SHANK2: variants seen among roughly 807,000 people sequenced by gnomAD.
The protein encoded by SHANK2 is SH3 and multiple ankyrin repeat domains 2.
SHANK2 carries 43 observed loss-of-function variants against 133.7 expected under a neutral mutation model. The ratio of observed to expected loss-of-function variants is 0.32; its 90% confidence interval spans 0.25 to 0.41. The LOEUF (loss-of-function observed/expected upper bound fraction) is 0.41. Among genes scored for constraint, SHANK2 ranks in the 10% least tolerant of loss-of-function variants. The pLI, the probability that SHANK2 is intolerant of heterozygous loss-of-function variation, is 1.00. For missense variants in SHANK2, 1,994 were observed against 2,235.8 expected (o/e 0.89, Z 2.18); for synonymous variants, 1,017 against 952.8 (o/e 1.07, Z -1.24).
At chr11:71,230,206 C>A (rs1555122785) in intron 1 of SHANK2, among the ~76,000 whole-genome samples, 1 of 152,084 alleles carries the variant, frequency 6.6e-6, no homozygotes, top group Admixed American at 6.5e-5. Context: ...AGGAGAATCA[C>A]TTGAACCTGG....
chr11:71,102,262 T>A (rs1434693670), intron 6 of SHANK2, among the ~76,000 whole-genome samples: 1 of 151,958 alleles, frequency 6.6e-6, no homozygotes, highest in African/African-American at 2.4e-5. Flanking sequence ...AGTCTTTATT[T>A]TTTTTTTTTA....
chr11:71,200,851 C>CACAT lies in SHANK2; in HGVS notation c.-13+23845_-13+23846insATGT, dbSNP rs1954005298. ...ATTAATACACACACACACACACACA[C>CACAT]ACACACACACACACTTCAGATCTTT... On this transcript the variant is annotated intron_variant, in intron 2 of 25. Transcript: ENST00000601538. Among the ~76,000 whole-genome samples the CACAT allele has an allele frequency of 3.3e-5, 5 of 151,962 alleles. No individual in the cohort carries two copies. In the East Asian group the frequency reaches 5.8e-4, roughly 18 times the overall value.
At chr11:71,189,304 C>T (rs1041995550) in intron 2 of SHANK2, among the ~76,000 whole-genome samples, 12 of 152,354 alleles carry the variant, frequency 7.9e-5, no homozygotes, top group African/African-American at 2.6e-4. Context: ...GCTGGTGCCT[C>T]GCTGGTGACC....
chr11:70,788,008 C>T (rs1251989969), intron 14 of SHANK2, among the ~76,000 whole-genome samples: 2 of 152,130 alleles, frequency 1.3e-5, no homozygotes, highest in African/African-American at 4.8e-5. Flanking sequence ...ACCACAGGGA[C>T]AAGGTTTGGA....
At chr11:70,678,538 T>C (rs1027348874) in intron 15 of SHANK2, among the ~76,000 whole-genome samples, 1 of 138,990 alleles carries the variant, frequency 7.2e-6, no homozygotes, top group Non-Finnish European at 1.6e-5. Flanking sequence ...CAGGCTTTTT[T>C]TTTTTTTTTT....
chr11:70,540,433 G>C (rs10899149), intron 17 of SHANK2, among the ~76,000 whole-genome samples: 72,108 of 151,508 alleles, frequency 0.48, 18,914 homozygotes, highest in Non-Finnish European at 0.6. Flanking sequence ...CTCTCCTGCG[G>C]AGTCGGAGTG....
intron 11 of SHANK2, among the ~76,000 whole-genome samples, chr11:70,877,577 G>A (rs1371896553): frequency 6.6e-6 from 1 of 152,120 alleles, no homozygotes; most frequent in Non-Finnish European, 1.5e-5. Context: ...ACCAGCTCTG[G>A]TTGTACACAT....
At chr11:70,677,223 A>G (rs1944919358) in intron 15 of SHANK2, among the ~76,000 whole-genome samples, 1 of 152,192 alleles carries the variant, frequency 6.6e-6, no homozygotes, top group Non-Finnish European at 1.5e-5. Context: ...TGCCTCTGCT[A>G]ATGGGTCCCT....
chr11:70,764,098 C>T (rs888003554), intron 14 of SHANK2, among the ~76,000 whole-genome samples: 40 of 118,174 alleles, frequency 3.4e-4, no homozygotes, highest in Non-Finnish European at 7.1e-4. Flanking sequence ...ATCCATCCAT[C>T]CACCCACCCA....
At chr11:70,484,475 G>A (rs1365948778) in intron 25 of SHANK2, among the ~76,000 whole-genome samples, 2 of 152,158 alleles carry the variant, frequency 1.3e-5, no homozygotes, top group Non-Finnish European at 2.9e-5. Context: ...CCAAGCAGAA[G>A]CCAACATCAT....
intron 15 of SHANK2, chr11:70,669,736 G>A (rs1944758777): frequency 6.6e-6 from 1 of 152,390 alleles, no homozygotes. Context: ...TATTTAACAC[G>A]GGGTCAACGT....
chr11:71,085,773 T>G (rs1417689034), intron 8 of SHANK2, among the ~76,000 whole-genome samples: 1 of 76,812 alleles, frequency 1.3e-5, no homozygotes, highest in Non-Finnish European at 2.2e-5. Flanking sequence ...ATATATATTA[T>G]ATTTATATTA....
At chr11:71,252,924 G>GT (rs1415171116), upstream of SHANK2, among the ~76,000 whole-genome samples, 1 of 152,254 alleles carries the variant, frequency 6.6e-6, no homozygotes, top group Non-Finnish European at 1.5e-5. This position sits in a 1 kb window ranked among gnomAD's most constrained non-coding sequence, Gnocchi z 6.3. Context: ...GGTCTGCACG[G>GT]TTATCCCGAA....
chr11:71,164,301 C>T (rs1366658504), intron 2 of SHANK2, among the ~76,000 whole-genome samples: 5 of 152,206 alleles, frequency 3.3e-5, no homozygotes, highest in Non-Finnish European at 7.3e-5. Context: ...AATATCACAG[C>T]ACATTGCATC....
intron 2 of SHANK2, among the ~76,000 whole-genome samples, chr11:71,187,771 T>C (rs1158563731): frequency 3.3e-5 from 5 of 152,224 alleles, no homozygotes; most frequent in Non-Finnish European, 5.9e-5. Flanking sequence ...CTAAGATGTT[T>C]GTACTGCGAG....
chr11:70,934,548 T>G (rs1376661165), intron 10 of SHANK2, among the ~76,000 whole-genome samples: 4 of 152,214 alleles, frequency 2.6e-5, no homozygotes, highest in African/African-American at 9.6e-5. Flanking sequence ...GGAAGGCCAC[T>G]GGGTCTCAGA....
At chr11:71,073,755 G>A (rs1222127984) in intron 9 of SHANK2, among the ~76,000 whole-genome samples, 1 of 152,162 alleles carries the variant, frequency 6.6e-6, no homozygotes, top group African/African-American at 2.4e-5. Flanking sequence ...ATGAGCTGCT[G>A]CACCTGGCTG....
At chr11:70,908,697 A>C (rs1555078445) in intron 10 of SHANK2, among the ~76,000 whole-genome samples, 1 of 152,220 alleles carries the variant, frequency 6.6e-6, no homozygotes, top group Non-Finnish European at 1.5e-5. Flanking sequence ...GCTGGGGTTC[A>C]GCACCAAGGT....
intron 1 of SHANK2, among the ~76,000 whole-genome samples, chr11:71,246,411 G>A (rs1488539589): frequency 6.6e-6 from 1 of 152,150 alleles, no homozygotes; most frequent in Non-Finnish European, 1.5e-5. Context: ...CAAGTCTGCA[G>A]GGAGGCAGCA....
Sources: allele counts gnomAD v4.1 joint callset (sites outside exome capture counted in the v4.1 genomes callset), GRCh38; gene constraint gnomAD v4.1.1; non-coding constraint Gnocchi (gnomAD v3.1); transcripts MANE v1.5; gene names NCBI Gene and HGNC (gene_info 2026-07-23, HGNC 2026-07-21).